The following ANKS1B variants were observed in gnomAD, a reference collection of about 807,000 sequenced individuals.
ANKS1B encodes ankyrin repeat and sterile alpha motif domain-containing protein 1B.
ANKS1B carries 36 observed loss-of-function variants against 148.3 expected under a neutral mutation model. The observed-to-expected ratio is 0.24, with a 90% CI of 0.19 to 0.32. The LOEUF (loss-of-function observed/expected upper bound fraction) is 0.32, where lower values mean the gene tolerates loss of function less well. Among genes scored for constraint, ANKS1B ranks in the 10% least tolerant of loss-of-function variants. The probability of loss-of-function intolerance (pLI) is 1.00; values close to 1 mark genes in which losing one functional copy is unlikely to be tolerated. For synonymous variants in ANKS1B, 542 were observed against 560.8 expected (o/e 0.97, Z 0.47); for missense variants, 1,157 against 1,542.6 (o/e 0.75, Z 4.19).
At position 99,284,309 on chromosome 12, in the gene ANKS1B, G is replaced by C. The variant is rs578192962; in HGVS notation, c.1757-37445C>G. ...AATTGGGCAGCAGTGCAGAGAGAAG[G>C]AAGAGTTGGGTGCTTTACCCTACTG... On this transcript the variant is annotated intron_variant, in intron 12 of 26. Coordinates refer to ENST00000683438, the MANE Select transcript of ANKS1B (RefSeq NM_001352186.2). Among the ~76,000 whole-genome samples the C allele has an allele frequency of 1.1e-3, 171 of 152,310 alleles. 2 individuals are homozygous for C. Among genetic ancestry groups the C allele is most frequent in the African/African-American group, 3.9e-3 (164 of 41,580 alleles).
intron 17 of ANKS1B, among the ~76,000 whole-genome samples, chr12:99,002,783 A>G (rs2099933825): frequency 6.6e-6 from 1 of 151,976 alleles, no homozygotes; most frequent in South Asian, 2.1e-4. Context: ...CTCCCATTCT[A>G]TGGTAGTTTT....
intron 1 of ANKS1B, among the ~76,000 whole-genome samples, chr12:99,915,628 G>A (rs1398137218): frequency 6.6e-6 from 1 of 152,196 alleles, no homozygotes; most frequent in Non-Finnish European, 1.5e-5. Flanking sequence ...AGTAACCAGA[G>A]AGCTTGACCT....
At chr12:99,525,289 G>A (rs2096915930) in intron 9 of ANKS1B, among the ~76,000 whole-genome samples, 1 of 152,166 alleles carries the variant, frequency 6.6e-6, no homozygotes, top group Non-Finnish European at 1.5e-5. Flanking sequence ...TAAAGATGGT[G>A]ATTCTTTCTC....
intron 17 of ANKS1B, among the ~76,000 whole-genome samples, chr12:98,958,530 C>T (rs190728698): frequency 1.1e-4 from 16 of 152,296 alleles, no homozygotes; most frequent in South Asian, 6.2e-4. Flanking sequence ...CCTTCCATGA[C>T]GACTGGTAGC....
intron 8 of ANKS1B, among the ~76,000 whole-genome samples, chr12:99,755,648 C>T (rs10860512): frequency 0.44 from 65,216 of 149,052 alleles, 14,669 homozygotes; most frequent in South Asian, 0.61. Flanking sequence ...ATGAAAAACC[C>T]TATCCACCAT....
At chr12:99,600,412 T>C (rs148540507) in intron 9 of ANKS1B, among the ~76,000 whole-genome samples, 5 of 152,142 alleles carry the variant, frequency 3.3e-5, no homozygotes, top group Admixed American at 1.3e-4. Flanking sequence ...AGGACTTTTA[T>C]GCCGCTGCGA....
intron 1 of ANKS1B, among the ~76,000 whole-genome samples, chr12:99,965,002 T>C (rs1332861368): frequency 1.3e-5 from 2 of 152,214 alleles, no homozygotes; most frequent in Non-Finnish European, 1.5e-5. Flanking sequence ...AATAAACTCA[T>C]ATTTTTAATA....
At chr12:99,729,259 C>T (rs1286260377) in intron 8 of ANKS1B, among the ~76,000 whole-genome samples, 2 of 152,188 alleles carry the variant, frequency 1.3e-5, no homozygotes, top group Non-Finnish European at 2.9e-5. Context: ...ACCTTAAAGA[C>T]AGTCCATTGT....
chr12:99,679,988 T>C (rs1015564689), intron 8 of ANKS1B, among the ~76,000 whole-genome samples: 1 of 152,206 alleles, frequency 6.6e-6, no homozygotes, highest in Admixed American at 6.5e-5. Context: ...CTGCAAACTC[T>C]GTGAGACAGT....
At chr12:99,022,471 T>G (rs1390665998) in intron 17 of ANKS1B, among the ~76,000 whole-genome samples, 10 of 152,238 alleles carry the variant, frequency 6.6e-5, no homozygotes, top group Admixed American at 6.5e-4. Context: ...TGTATCGTTG[T>G]GAATAATGAC....
At chr12:98,747,538 T>G (rs1488147099) in intron 26 of ANKS1B, among the ~76,000 whole-genome samples, 1 of 152,152 alleles carries the variant, frequency 6.6e-6, no homozygotes, top group East Asian at 1.9e-4. Flanking sequence ...CTATGGAGAA[T>G]AGCATGGAGG....
At chr12:99,797,987 T>C (rs1312837469) in intron 4 of ANKS1B, among the ~76,000 whole-genome samples, 1 of 151,934 alleles carries the variant, frequency 6.6e-6, no homozygotes, top group Non-Finnish European at 1.5e-5. Flanking sequence ...TTATATTTTA[T>C]CCAAAATTTC....
intron 16 of ANKS1B, among the ~76,000 whole-genome samples, chr12:99,075,022 A>G (rs528763011): frequency 6.6e-6 from 1 of 152,328 alleles, no homozygotes; most frequent in African/African-American, 2.4e-5. Context: ...GATTTCTCCA[A>G]GGCTTAAGTA....
intron 8 of ANKS1B, among the ~76,000 whole-genome samples, chr12:99,709,159 C>A (rs2056270926): frequency 6.6e-6 from 1 of 152,084 alleles, no homozygotes; most frequent in African/African-American, 2.4e-5. Flanking sequence ...CGCACACATG[C>A]ACACATAAGC....
At chr12:98,765,599 C>A (rs952929827) in intron 25 of ANKS1B, among the ~76,000 whole-genome samples, 6 of 152,118 alleles carry the variant, frequency 3.9e-5, no homozygotes, top group Non-Finnish European at 5.9e-5. Flanking sequence ...TCCTGTCACC[C>A]AGGCTAGAGT....
chr12:99,787,077 A>G (rs140373078), intron 4 of ANKS1B, among the ~76,000 whole-genome samples: 130 of 152,348 alleles, frequency 8.5e-4, no homozygotes, highest in African/African-American at 3.1e-3. Context: ...GCTTAATAAC[A>G]TATAAATAGC....
At chr12:99,641,590 A>G (rs1019332568) in intron 9 of ANKS1B, among the ~76,000 whole-genome samples, 1 of 152,190 alleles carries the variant, frequency 6.6e-6, no homozygotes, top group African/African-American at 2.4e-5. Context: ...AGAGATTCTA[A>G]ATGAACTAAG....
intron 15 of ANKS1B, 85 bp from the exon 16 acceptor site, chr12:99,085,108 C>T: frequency 8.8e-7 from 1 of 1,133,148 alleles, no homozygotes; most frequent in Non-Finnish European, 1.3e-6. Context: ...ACAGAGAAAA[C>T]CAGTGAGTGA....
At chr12:98,807,245 C>T (rs188519522) in intron 20 of ANKS1B, among the ~76,000 whole-genome samples, 7 of 152,218 alleles carry the variant, frequency 4.6e-5, no homozygotes, top group African/African-American at 1.4e-4. Flanking sequence ...AAATGGGTCA[C>T]AATTTCATAC....
Sources: allele counts gnomAD v4.1 joint callset (sites outside exome capture counted in the v4.1 genomes callset), GRCh38; gene constraint gnomAD v4.1.1; transcripts MANE v1.5; gene names NCBI Gene and HGNC (gene_info 2026-07-23, HGNC 2026-07-21).